Variants in ANO3 observed in about 807,000 individuals in gnomAD.
ANO3 encodes the protein anoctamin 3, also known as anoctamin-3.
ANO3 carries 99 observed loss-of-function variants against 144.8 expected under a neutral mutation model. The observed-to-expected ratio is 0.68, with a 90% CI of 0.58 to 0.81. The LOEUF is 0.81. ANO3 is among the 30% of genes least tolerant of loss of function. The pLI is 0.00. For missense variants in ANO3, 905 were observed against 1,202.2 expected (o/e 0.75, Z 3.66); for synonymous variants, 414 against 392.6 (o/e 1.05, Z -0.64).
In ANO3 at chr11:26,553,230, G is replaced by GT. The variant is rs376265231; in HGVS notation, c.1290-14dup. On this transcript the variant is annotated intron_variant, in intron 12 of 26. Coordinates refer to ENST00000256737, the MANE Select transcript of ANO3 (RefSeq NM_031418.4). ...TCATGCTATGTTTTGTTTTGTTTTTGTTTTTGTTTTTTCTCAAGCCAAGAA... is the reference window on the plus strand; with the variant it reads ...TCATGCTATGTTTTGTTTTGTTTTTGTTTTTTGTTTTTTCTCAAGCCAAGAA... 1,402 of 1,194,904 alleles carry GT rather than the reference G, an allele frequency of 1.2e-3. 4 individuals carry two copies. The highest frequency in any genetic ancestry group is 3.1e-3 in the South Asian group (230 of 73,768). The allele number at this position is 1,194,904 out of a possible 1,614,324, so 74.0% of individuals were successfully genotyped here. A position where few individuals can be genotyped will look rare whatever the true frequency, so the allele number is the denominator to read the frequency against.
intron 18 of ANO3, among the ~76,000 whole-genome samples, chr11:26,628,864 G>T (rs1852676741): frequency 6.6e-6 from 1 of 152,138 alleles, no homozygotes; most frequent in Non-Finnish European, 1.5e-5. Flanking sequence ...GGTGTCTTCA[G>T]CCTTCTTCTC....
intron 1 of ANO3, among the ~76,000 whole-genome samples, chr11:26,396,891 A>G (rs903910481): frequency 2.0e-5 from 3 of 151,988 alleles, no homozygotes; most frequent in Non-Finnish European, 2.9e-5. Context: ...ATGTATACCT[A>G]TGTAACAAAC....
At chr11:26,216,350 C>A (rs4313530) in intron 1 of ANO3, among the ~76,000 whole-genome samples, 250 of 152,018 alleles carry the variant, frequency 1.6e-3, no homozygotes, top group African/African-American at 5.7e-3. Flanking sequence ...AACCACTGAT[C>A]TTTTTTACCA....
chr11:26,415,056 A>ATG (rs149901742), intron 1 of ANO3, among the ~76,000 whole-genome samples: 16,888 of 145,040 alleles, frequency 0.12, 1,060 homozygotes, highest in Admixed American at 0.21. Context: ...ATTGGTGTGT[A>ATG]TGTGTGTGTG....
intron 4 of ANO3, among the ~76,000 whole-genome samples, chr11:26,469,165 G>A (rs1340299156): frequency 2.6e-5 from 4 of 151,894 alleles, no homozygotes; most frequent in Non-Finnish European, 5.9e-5. Context: ...TGCCATTTAA[G>A]TACTTAGTTT....
intron 1 of ANO3, among the ~76,000 whole-genome samples, chr11:26,383,525 A>AAT (rs1176973399): frequency 1.7e-5 from 2 of 119,898 alleles, no homozygotes; most frequent in Non-Finnish European, 4.0e-5. Flanking sequence ...AGATGACAGC[A>AAT]ATATATATAA....
chr11:26,263,866 A>G (rs1248988812), intron 1 of ANO3, among the ~76,000 whole-genome samples: 1 of 152,222 alleles, frequency 6.6e-6, no homozygotes, highest in African/African-American at 2.4e-5. Context: ...TTTGGTTCCT[A>G]TAAAGACTAA....
At chr11:26,653,873 A>C (rs1374178726) in intron 24 of ANO3, among the ~76,000 whole-genome samples, 1 of 152,118 alleles carries the variant, frequency 6.6e-6, no homozygotes, top group Non-Finnish European at 1.5e-5. Context: ...TCAAAACTTT[A>C]CATTACTTTC....
chr11:26,494,253 A>T (rs1380392933), intron 4 of ANO3, among the ~76,000 whole-genome samples: 1 of 151,734 alleles, frequency 6.6e-6, no homozygotes, highest in Non-Finnish European at 1.5e-5. Flanking sequence ...TATAATTAAA[A>T]TTTGAGAAAG....
intron 1 of ANO3, among the ~76,000 whole-genome samples, chr11:26,378,933 T>C (rs191461730): frequency 6.7e-6 from 1 of 149,176 alleles, no homozygotes; most frequent in East Asian, 2.0e-4. Flanking sequence ...AACAGTCTCA[T>C]TGGATATACT....
intron 1 of ANO3, among the ~76,000 whole-genome samples, chr11:26,412,816 G>GTGTGTGTGTGTA (rs1458493285): frequency 6.6e-6 from 1 of 151,442 alleles, no homozygotes; most frequent in Non-Finnish European, 1.5e-5. Context: ...GTGTGTGTGT[G>GTGTGTGTGTGTA]TGTGTGTGTG....
At chr11:26,315,474 G>A (rs1854600050) in intron 1 of ANO3, among the ~76,000 whole-genome samples, 1 of 152,010 alleles carries the variant, frequency 6.6e-6, no homozygotes, top group African/African-American at 2.4e-5. Context: ...CTATCCCTTG[G>A]GGAAGAATAA....
At chr11:26,331,233 T>C (rs1855031100), upstream of ANO3, among the ~76,000 whole-genome samples, 1 of 152,134 alleles carries the variant, frequency 6.6e-6, no homozygotes, top group Admixed American at 6.5e-5. Context: ...CTGGGCTCAA[T>C]ACCCGGGTGA....
At position 26,599,541 on chromosome 11, in the gene ANO3, A is replaced by G. The variant is rs1373848293; in HGVS notation, c.1672-9A>G. On this transcript the variant is annotated splice_polypyrimidine_tract_variant and intron_variant, in intron 16 of 26. Coordinates refer to ENST00000256737, the MANE Select transcript of ANO3 (RefSeq NM_031418.4). ...ATATGGATGTTTTTTCTGGTGTCCA[A>G]TATTGTAGATATCCTTGGTGATCAC... 3.7e-6 allele frequency: 6 copies of G among 1,609,564 alleles called. No individual in the cohort carries two copies. The highest frequency in any genetic ancestry group is 5.1e-6 in the Non-Finnish European group (6 of 1,177,332).
intron 17 of ANO3, among the ~76,000 whole-genome samples, chr11:26,599,931 C>T (rs1161576007): frequency 6.6e-6 from 1 of 151,656 alleles, no homozygotes; most frequent in Non-Finnish European, 1.5e-5. Flanking sequence ...GTATTATCTT[C>T]CCTGCATTTT....
At chr11:26,235,002 A>AAGAGAGAGAGAG (rs10694750) in intron 1 of ANO3, among the ~76,000 whole-genome samples, 1,494 of 140,230 alleles carry the variant, frequency 0.011, 17 homozygotes, top group Non-Finnish European at 0.013. Context: ...AGAGAAAAGA[A>AAGAGAGAGAGAG]AGAGAGAGAG....
intron 1 of ANO3, among the ~76,000 whole-genome samples, chr11:26,249,329 A>G (rs1852873152): frequency 6.6e-6 from 1 of 152,228 alleles, no homozygotes; most frequent in Non-Finnish European, 1.5e-5. Flanking sequence ...TATGAAACGA[A>G]AATTAAACAC....
chr11:26,208,826 C>T (rs999006730), intron 1 of ANO3, among the ~76,000 whole-genome samples: 1 of 152,092 alleles, frequency 6.6e-6, no homozygotes, highest in South Asian at 2.1e-4. Context: ...TTTGTACTAA[C>T]ATTTGTTGAG....
At chr11:26,288,499 CT>C (rs1285429083) in intron 1 of ANO3, among the ~76,000 whole-genome samples, 1 of 152,076 alleles carries the variant, frequency 6.6e-6, no homozygotes, top group Non-Finnish European at 1.5e-5. Flanking sequence ...GGATTCCTTC[CT>C]TTGTTTTTCT....
Sources: allele counts gnomAD v4.1 joint callset (sites outside exome capture counted in the v4.1 genomes callset), GRCh38; gene constraint gnomAD v4.1.1; transcripts MANE v1.5; gene names NCBI Gene and HGNC (gene_info 2026-07-23, HGNC 2026-07-21).